Variants in CASP10 observed in about 807,000 individuals in gnomAD.
The protein encoded by CASP10 is caspase-10.
A neutral mutation model predicts 48.5 loss-of-function variants in CASP10; 41 were observed. That is an observed-to-expected ratio of 0.85 (90% CI 0.66 to 1.10). The LOEUF (loss-of-function observed/expected upper bound fraction) is 1.10, where lower values mean the gene tolerates loss of function less well. Among genes scored for constraint, CASP10 ranks in the 50% least tolerant of loss-of-function variants. CASP10 has a pLI of 0.00. For synonymous variants in CASP10, 232 were observed against 238.4 expected (o/e 0.97, Z 0.25); for missense variants, 614 against 614.5 (o/e 1.00, Z 0.01).
intron 9 of CASP10, among the ~76,000 whole-genome samples, chr2:201,227,206 C>T (rs113868841): frequency 2.6e-5 from 4 of 152,156 alleles, no homozygotes; most frequent in South Asian, 2.1e-4. Flanking sequence ...ATCCTTTTTG[C>T]GTCTCAGTGC....
intron 5 of CASP10, among the ~76,000 whole-genome samples, chr2:201,197,227 T>A (rs1356641360): frequency 6.6e-6 from 1 of 152,090 alleles, no homozygotes; most frequent in East Asian, 1.9e-4. Context: ...TCCTCCCGCC[T>A]TATCCTCCCA....
downstream of CASP10, among the ~76,000 whole-genome samples, chr2:201,224,762 G>A (rs978823213): frequency 1.3e-5 from 2 of 152,086 alleles, no homozygotes; most frequent in Non-Finnish European, 2.9e-5. Flanking sequence ...CTGAGTACTG[G>A]TAAATAGTAG....
At position 201,193,267 on chromosome 2, in the gene CASP10, G is replaced by A. The variant is rs1576082117; in HGVS notation, c.577+148G>A. The stretch of plus-strand genomic sequence containing the variant: ...CTGTCACCCAGGCTGGAGTGCAGTG[G>A]TGTGATCTTGGCTCACTGAAACCTC... On this transcript the variant is annotated intron_variant, in intron 4 of 9. Transcript: ENST00000286186. The A allele has an allele frequency of 3.9e-6, 3 of 759,868 alleles. No individual in the cohort carries two copies. In the East Asian group the frequency reaches 1.0e-4, roughly 25 times the overall value. 47.1% of individuals were successfully genotyped at this position (759,868 alleles called of 1,614,324 possible). A position where few individuals can be genotyped will look rare whatever the true frequency, so the allele number is the denominator to read the frequency against.
intron 2 of CASP10, among the ~76,000 whole-genome samples, chr2:201,187,448 C>T (rs1944453440): frequency 6.6e-6 from 1 of 151,370 alleles, no homozygotes; most frequent in African/African-American, 2.4e-5. Context: ...TTAAATATGC[C>T]TTCTTAGTGT....
chr2:201,198,685 C>T (rs375093348), intron 5 of CASP10, among the ~76,000 whole-genome samples: 6 of 151,750 alleles, frequency 4.0e-5, no homozygotes, highest in East Asian at 1.9e-4. Context: ...GGACCACAGG[C>T]GCCCGCCACC....
At chr2:201,213,667 T>C (rs1945475280) in intron 9 of CASP10, 1 of 152,154 alleles carries the variant, frequency 6.6e-6, no homozygotes, top group Admixed American at 6.5e-5. Flanking sequence ...CACTTGTAGT[T>C]TGAATTTGCT....
chr2:201,186,349 CCTT>C, intron 2 of CASP10: 1 of 525,882 alleles, frequency 1.9e-6, no homozygotes, highest in Non-Finnish European at 3.4e-6. Flanking sequence ...AGGTGGCTTC[CCTT>C]TGTTTTGCTT....
Position 201,218,306 on chromosome 2 carries a change from G to T in CASP10, c.*565G>T. The T allele has an allele frequency of 1.0e-6, 1 of 995,028 alleles. No individual in the cohort carries two copies. Among genetic ancestry groups the T allele is most frequent in the African/African-American group, 1.7e-5 (1 of 57,288 alleles). 61.6% of individuals were successfully genotyped at this position (995,028 alleles called of 1,614,324 possible). ...GACAGAGTAATTGGCTTTGGTTTGT[G>T]CAGGTACTTTTTCTTTGAGACAGAG... On this transcript the variant is annotated 3_prime_UTR_variant, in exon 10 of 10. Transcript: ENST00000286186.
Position 201,213,097 on chromosome 2 carries a change from T to C in CASP10, c.1415+3535T>C, listed in dbSNP as rs539247926. The C allele has an allele frequency of 3.3e-5, 5 of 152,314 alleles. No homozygotes were observed. In the East Asian group the frequency reaches 7.7e-4, roughly 23 times the overall value. The allele number at this position is 152,314 out of a possible 1,614,324, so 9.4% of individuals were successfully genotyped here. On this transcript the variant is annotated intron_variant, in intron 9 of 9. Coordinates refer to ENST00000286186, the MANE Select transcript of CASP10 (RefSeq NM_032977.4). ...AAAAATACATGATTATTACTTTTAT[T>C]TGGAGTTGCACCAATATTTTTGGTT...
chr2:201,205,178 T>C (rs773806563), intron 6 of CASP10, among the ~76,000 whole-genome samples: 4 of 152,116 alleles, frequency 2.6e-5, no homozygotes, highest in Non-Finnish European at 4.4e-5. Flanking sequence ...CCTCAGTCGA[T>C]GCCCAACTGG....
chr2:201,215,294 G>A (rs142114989), intron 9 of CASP10, among the ~76,000 whole-genome samples: 1 of 89,828 alleles, frequency 1.1e-5, no homozygotes, highest in African/African-American at 4.2e-5. Flanking sequence ...TGCTTTTGTT[G>A]TCTGTGCTTT....
chr2:201,190,325 AC>A (rs1391139716), intron 3 of CASP10, among the ~76,000 whole-genome samples: 1 of 152,036 alleles, frequency 6.6e-6, no homozygotes, highest in African/African-American at 2.4e-5. Context: ...CACACACATG[AC>A]CTAAAGGTTC....
At chr2:201,188,720 G>C (rs150624957) in intron 3 of CASP10, among the ~76,000 whole-genome samples, 1,700 of 152,140 alleles carry the variant, frequency 0.011, 15 homozygotes, top group Non-Finnish European at 0.016. Flanking sequence ...TCAGACTCAG[G>C]TCAGATCCGT....
chr2:201,209,921 C>G (rs547797491), intron 9 of CASP10, among the ~76,000 whole-genome samples: 1 of 152,248 alleles, frequency 6.6e-6, no homozygotes. Flanking sequence ...AACAAATAGA[C>G]GGGGAAGGGC....
intron 1 of CASP10, 53 bp from the exon 2 acceptor site, chr2:201,185,718 G>A: frequency 8.8e-7 from 1 of 1,135,558 alleles, no homozygotes; most frequent in East Asian, 2.3e-5. Context: ...GAAGTCAGGG[G>A]GCCATATGTC....
downstream of CASP10, among the ~76,000 whole-genome samples, chr2:201,222,334 C>T (rs536400609): frequency 6.6e-6 from 1 of 151,776 alleles, no homozygotes; most frequent in South Asian, 2.1e-4. Context: ...CTCCTGCCTC[C>T]GCCTCCTGAG....
At chr2:201,221,686 A>C (rs1945724631), downstream of CASP10, 1 of 152,254 alleles carries the variant, frequency 6.6e-6, no homozygotes, top group African/African-American at 2.4e-5. Flanking sequence ...TTGTCTCTTC[A>C]CAAGGACGCG....
chr2:201,206,141 C>A, intron 7 of CASP10, 168 bp downstream of exon 7: 1 of 556,194 alleles, frequency 1.8e-6, no homozygotes, highest in South Asian at 2.0e-5. Context: ...CTGTAATTAT[C>A]TCTGTTCTTC....
intron 5 of CASP10, among the ~76,000 whole-genome samples, chr2:201,198,539 C>CTT (rs34234167): frequency 0.23 from 20,262 of 87,884 alleles, 3,575 homozygotes; most frequent in Non-Finnish European, 0.31. Context: ...TTTTTTAATT[C>CTT]TTTTTTTTTT....
Sources: gnomAD v4.1 joint callset for allele counts (sites outside exome capture counted in the v4.1 genomes callset) on GRCh38, gnomAD v4.1.1 for gene constraint, MANE v1.5 for transcripts, NCBI Gene and HGNC (gene_info 2026-07-23, HGNC 2026-07-21) for gene names.